Variants in TEX36 observed in about 807,000 individuals in gnomAD.
The protein encoded by TEX36 is testis expressed 36, also known as testis-expressed protein 36.
A neutral mutation model predicts 13.6 loss-of-function variants in TEX36; 12 were observed. The ratio of observed to expected loss-of-function variants is 0.88; its 90% CI spans 0.56 to 1.43. TEX36 has a LOEUF of 1.43. Among genes scored for constraint, TEX36 ranks in the 40% most tolerant of loss-of-function variants. The pLI is 0.00. For missense variants in TEX36, 224 were observed against 228.3 expected, an observed-to-expected ratio of 0.98 and a Z score of 0.12; for synonymous variants, 93 against 83.0, an observed-to-expected ratio of 1.12 and a Z score of -0.65.
Position 125,661,086 on chromosome 10 carries a change from G to C in TEX36, c.199C>G (p.Gln67Glu). The change falls in exon 3 of 4, where the codon CAG becomes GAG. Residue 67 changes from glutamine to glutamate, a missense_variant. Transcript: ENST00000368821. ...TTGTCATGCACGGAGAAGGGGAACTGGTTATTCACTGCTTGCTGGAAAAGT... is the reference window on the plus strand; with the variant it reads ...TTGTCATGCACGGAGAAGGGGAACTCGTTATTCACTGCTTGCTGGAAAAGT... Reference protein sequence around the residue: ...KVREKQAVNNQFPFSVHDNRH... With the variant: ...KVREKQAVNNEFPFSVHDNRH... 6.4e-7 allele frequency: 1 copy of C among 1,551,960 alleles called. No individual in the cohort carries two copies. Among genetic ancestry groups the C allele is most frequent in the Non-Finnish European group, 8.7e-7 (1 of 1,147,020 alleles).
intron 3 of TEX36, among the ~76,000 whole-genome samples, chr10:125,634,921 A>G (rs1846604725): frequency 6.6e-6 from 1 of 152,208 alleles, no homozygotes; most frequent in African/African-American, 2.4e-5. Flanking sequence ...GATGCCTAAC[A>G]TACAAGTGGG....
At chr10:125,597,680 C>G (rs1282672334) in intron 3 of TEX36, among the ~76,000 whole-genome samples, 1 of 152,128 alleles carries the variant, frequency 6.6e-6, no homozygotes, top group South Asian at 2.1e-4. Context: ...AGTAAAGGAG[C>G]CTTCACCTGT....
chr10:125,677,354 T>G (rs542213723), intron 1 of TEX36, among the ~76,000 whole-genome samples: 1 of 152,320 alleles, frequency 6.6e-6, no homozygotes, highest in African/African-American at 2.4e-5. Context: ...TTTGATCACT[T>G]TATGTTATCC....
intron 1 of TEX36, among the ~76,000 whole-genome samples, chr10:125,670,267 A>G (rs1040426576): frequency 6.6e-6 from 1 of 152,126 alleles, no homozygotes; most frequent in Non-Finnish European, 1.5e-5. Flanking sequence ...TTGTTTCTTG[A>G]CTTTTTAATA....
chr10:125,646,442 G>C (rs911624940), intron 3 of TEX36, among the ~76,000 whole-genome samples: 2 of 152,172 alleles, frequency 1.3e-5, no homozygotes, highest in Non-Finnish European at 2.9e-5. Flanking sequence ...GGCATTCTGA[G>C]GGAGTAGCCT....
intron 1 of TEX36, among the ~76,000 whole-genome samples, chr10:125,675,946 G>T (rs1443589719): frequency 6.6e-6 from 1 of 152,166 alleles, no homozygotes; most frequent in Non-Finnish European, 1.5e-5. Flanking sequence ...TCCTGGTATT[G>T]ATTTCTAGTT....
chr10:125,667,874 A>T, intron 1 of TEX36: 1 of 1,518,116 alleles, frequency 6.6e-7, no homozygotes, highest in Non-Finnish European at 9.1e-7. Flanking sequence ...GCCCTTGCCC[A>T]GTGCCACGAT....
At chr10:125,625,153 CA>C (rs1400297441) in intron 3 of TEX36, among the ~76,000 whole-genome samples, 1 of 152,212 alleles carries the variant, frequency 6.6e-6, no homozygotes, top group African/African-American at 2.4e-5. Flanking sequence ...TTTCTCAGGA[CA>C]CGCAGACGAT....
At chr10:125,580,061 G>T (rs1445344933) in intron 3 of TEX36, among the ~76,000 whole-genome samples, 4 of 152,186 alleles carry the variant, frequency 2.6e-5, no homozygotes, top group Non-Finnish European at 4.4e-5. Context: ...TTGAATAAAA[G>T]AATAAATGAA....
At chr10:125,646,993 A>T (rs1047404323) in intron 3 of TEX36, among the ~76,000 whole-genome samples, 1 of 152,196 alleles carries the variant, frequency 6.6e-6, no homozygotes, top group African/African-American at 2.4e-5. Flanking sequence ...GCAGAAGTTT[A>T]AAAACTAAAT....
intron 1 of TEX36, among the ~76,000 whole-genome samples, chr10:125,682,302 A>G (rs561345917): frequency 6.6e-6 from 1 of 152,338 alleles, no homozygotes; most frequent in Non-Finnish European, 1.5e-5. Context: ...AGGCTCTGTA[A>G]GTGACATCAG....
intron 1 of TEX36, among the ~76,000 whole-genome samples, chr10:125,662,892 A>G (rs1565188147): frequency 6.6e-6 from 1 of 152,210 alleles, no homozygotes; most frequent in African/African-American, 2.4e-5. Flanking sequence ...TTATGGCAAG[A>G]GAAGCTCACC....
downstream of TEX36, among the ~76,000 whole-genome samples, chr10:125,620,826 A>C (rs951269173): frequency 1.3e-5 from 2 of 152,180 alleles, no homozygotes; most frequent in African/African-American, 4.8e-5. Flanking sequence ...TCCAGTTTCC[A>C]TCTCTGTGAA....
chr10:125,622,062 C>A (rs1291465253), intron 3 of TEX36, among the ~76,000 whole-genome samples: 1 of 152,206 alleles, frequency 6.6e-6, no homozygotes, highest in Non-Finnish European at 1.5e-5. Context: ...TGTAGCCATT[C>A]TTCAATCCAA....
intron 1 of TEX36, chr10:125,667,164 G>A (rs1847136990): frequency 1.6e-5 from 11 of 671,508 alleles, no homozygotes; most frequent in East Asian, 1.3e-4. Context: ...GGACAGCGGG[G>A]GGCACTGTGC....
chr10:125,679,737 C>T (rs1040178421), intron 1 of TEX36, among the ~76,000 whole-genome samples: 3 of 152,228 alleles, frequency 2.0e-5, no homozygotes, highest in African/African-American at 7.2e-5. Flanking sequence ...AGCGTTCTCT[C>T]TTGGATAACA....
At chr10:125,612,859 A>T (rs1846307304) in intron 3 of TEX36, among the ~76,000 whole-genome samples, 1 of 152,080 alleles carries the variant, frequency 6.6e-6, no homozygotes, top group African/African-American at 2.4e-5. Flanking sequence ...GCTAGATTTC[A>T]TTTGGGTTGT....
chr10:125,647,324 T>TG (rs1846785171), intron 3 of TEX36, among the ~76,000 whole-genome samples: 3 of 84,670 alleles, frequency 3.5e-5, no homozygotes, highest in African/African-American at 3.1e-4. Context: ...CATTTTACTC[T>TG]TAAAATATGC....
intron 1 of TEX36, among the ~76,000 whole-genome samples, chr10:125,675,707 C>T (rs1847300726): frequency 6.6e-6 from 1 of 152,212 alleles, no homozygotes; most frequent in Admixed American, 6.5e-5. Context: ...CTCTGTGGGT[C>T]ATGCCAACCA....
Sources: gnomAD v4.1 joint callset for allele counts (sites outside exome capture counted in the v4.1 genomes callset) on GRCh38, gnomAD v4.1.1 for gene constraint, MANE v1.5 for transcripts, NCBI Gene and HGNC (gene_info 2026-07-23, HGNC 2026-07-21) for gene names.